The following CPT1C variants were observed in gnomAD, a reference collection of about 807,000 sequenced individuals.
The protein encoded by CPT1C is carnitine palmitoyltransferase 1C.
CPT1C carries 61 observed loss-of-function variants against 97.3 expected under a neutral mutation model. The observed-to-expected ratio is 0.63, with a 90% CI of 0.51 to 0.78. The LOEUF (loss-of-function observed/expected upper bound fraction) is 0.78, where lower values mean the gene tolerates loss of function less well. CPT1C is among the 30% of genes least tolerant of loss of function. CPT1C has a pLI of 0.00. For synonymous variants in CPT1C, 469 were observed against 447.2 expected (o/e 1.05, Z -0.61); for missense variants, 975 against 1,065.5 (o/e 0.92, Z 1.18).
chr19:49,711,567 A>G (rs11881828), intron 16 of CPT1C: 28,238 of 551,866 alleles, frequency 0.051, 1,321 homozygotes, highest in Admixed American at 0.13. Context: ...TTGTGGTTCC[A>G]TGGAAGGAGT....
intron 3 of CPT1C, among the ~76,000 whole-genome samples, chr19:49,694,322 G>T (rs2082534785): frequency 1.3e-5 from 2 of 151,782 alleles, no homozygotes; most frequent in African/African-American, 4.8e-5. Context: ...TGATGTGGGG[G>T]TGTTGCAGTT....
intron 16 of CPT1C, 102 bp from the exon 17 acceptor site, chr19:49,711,707 G>C: frequency 8.2e-7 from 1 of 1,221,350 alleles, no homozygotes; most frequent in Non-Finnish European, 1.1e-6. Context: ...TTCCCACCTT[G>C]CAGGGATGTG....
Position 49,713,684 on chromosome 19 carries a change from C to CG in CPT1C, c.*79_*80insG. The CG allele has an allele frequency of 7.2e-7, 1 of 1,390,120 alleles. No individual in the cohort carries two copies. The allele number at this position is 1,390,120 out of a possible 1,614,324, so 86.1% of individuals were successfully genotyped here. Reference sequence around the variant, plus strand: ...GCTGGCTGACACAGGACAGGGGCAACTGGTTTGGCAACCCCACATCCAGGC... The same window carrying CG: ...GCTGGCTGACACAGGACAGGGGCAACGTGGTTTGGCAACCCCACATCCAGGC... On this transcript the variant is annotated 3_prime_UTR_variant, in exon 20 of 20. Transcript: ENST00000598293.
chr19:49,693,854 C>G (rs1012850314), intron 3 of CPT1C, among the ~76,000 whole-genome samples: 1 of 152,000 alleles, frequency 6.6e-6, no homozygotes, highest in African/African-American at 2.4e-5. Flanking sequence ...GTCAGGAGAT[C>G]GAGACCCTTC....
At chr19:49,701,843 ATATT>A (rs1212252627) in intron 7 of CPT1C, among the ~76,000 whole-genome samples, 2 of 127,992 alleles carry the variant, frequency 1.6e-5, no homozygotes, top group African/African-American at 5.7e-5. Context: ...ATATGTATAT[ATATT>A]TATTTATATA....
intron 4 of CPT1C, among the ~76,000 whole-genome samples, chr19:49,699,457 TAAAAAAAAAAAAAAAAAAAA>T (rs71180647): frequency 0.063 from 2,224 of 35,526 alleles, 108 homozygotes; most frequent in African/African-American, 0.17. Flanking sequence ...CCCCTGTCTC[TAAAAAAAAAAAAAAAAAAAA>T]AAAAAAAAAA....
chr19:49,693,062 A>G (rs2082443068), intron 3 of CPT1C, among the ~76,000 whole-genome samples: 1 of 152,050 alleles, frequency 6.6e-6, no homozygotes, highest in Non-Finnish European at 1.5e-5. Context: ...TAATTTTTGT[A>G]TTTTTAGTAG....
chr19:49,690,771 C>T (rs914086484), upstream of CPT1C: 2 of 364,508 alleles, frequency 5.5e-6, no homozygotes, highest in African/African-American at 4.2e-5. This position sits in a 1 kb window ranked among gnomAD's most constrained non-coding sequence, Gnocchi z 4.4. Context: ...TCCTGACCCC[C>T]AAACATCCCT....
chr19:49,700,727 C>A lies in CPT1C; in HGVS notation c.325C>A (p.Leu109Met). ...GCTCCGGGGGGTCCTGGCAGCCGCGCTGTTTGCCTCGTGTTTGTGGGGAGC... is the reference window on the plus strand; with the variant it reads ...GCTCCGGGGGGTCCTGGCAGCCGCGATGTTTGCCTCGTGTTTGTGGGGAGC... ...HGLRGVLAAA[L>M]FASCLWGALI... The change falls in exon 5 of 20, where the codon CTG (leucine) becomes ATG (methionine). Residue 109 changes from leucine (L) to methionine (M), a missense_variant. Around this residue, in one of 3 missense-constraint regions of CPT1C, gnomAD observed 596 missense variants for 603.1 expected, o/e 0.99. Coordinates refer to ENST00000598293, the MANE Select transcript of CPT1C (RefSeq NM_001199753.2). The A allele has an allele frequency of 6.2e-7, 1 of 1,612,212 alleles. No individual in the cohort carries two copies. The highest frequency in any genetic ancestry group is 1.1e-5 in the South Asian group (1 of 91,084).
rs2083030557 is a variant in CPT1C, at chr19:49,701,211, G to T, written c.454-106G>T. 9 of 889,498 alleles carry T rather than the reference G, an allele frequency of 1.0e-5. No individual in the cohort carries two copies. The East Asian group carries it at 2.4e-4, about 23-fold the overall frequency. 55.1% of individuals were successfully genotyped at this position (889,498 alleles called of 1,614,324 possible). On this transcript the variant is annotated intron_variant, in intron 5 of 19. Transcript: ENST00000598293. ...CTCTTGGGGTCTCCGATGCTCTTAAGTCTCTGTGTCCTTCTCTTTGGGTTT... is the reference window on the plus strand; with the variant it reads ...CTCTTGGGGTCTCCGATGCTCTTAATTCTCTGTGTCCTTCTCTTTGGGTTT...
chr19:49,710,716 C>T lies in CPT1C; in HGVS notation c.1732-7C>T, dbSNP rs762707520. The stretch of plus-strand genomic sequence containing the variant: ...GACAGACTCCTCTTCTCCTCCCTGT[C>T]CCCCAGGACAGGGGTCAATTCTGCC... On this transcript the variant is annotated splice_polypyrimidine_tract_variant and splice_region_variant and intron_variant, in intron 15 of 19. Coordinates refer to ENST00000598293, the MANE Select transcript of CPT1C (RefSeq NM_001199753.2). 3.6e-5 allele frequency: 58 copies of T among 1,609,968 alleles called. No homozygotes were observed. The highest frequency in any genetic ancestry group is 1.6e-4 in the Middle Eastern group (1 of 6,066).
chr19:49,710,401 C>T lies in CPT1C; in HGVS notation c.1648C>T (p.Leu550=), dbSNP rs1463858702. Residue 550 remains leucine, a synonymous_variant, in exon 15 of 20, where the codon CTA becomes TTA. Coordinates refer to ENST00000598293, the MANE Select transcript of CPT1C (RefSeq NM_001199753.2). ...CGACTGCCATGTCGTTCCATTCTCCCTATTTGGCAAGAGCTTCATCCGACG... is the reference window on the plus strand; with the variant it reads ...CGACTGCCATGTCGTTCCATTCTCCTTATTTGGCAAGAGCTTCATCCGACG... The part of the protein sequence containing the change: ...NVDCHVVPFS[L]FGKSFIRRCH... 25 of 1,614,154 alleles carry T rather than the reference C, an allele frequency of 1.5e-5. No homozygotes were observed. Among genetic ancestry groups the T allele is most frequent in the Non-Finnish European group, 2.1e-5 (25 of 1,180,040 alleles).
intron 14 of CPT1C, among the ~76,000 whole-genome samples, chr19:49,709,855 A>ATT (rs60267364): frequency 0.12 from 13,719 of 117,844 alleles, 674 homozygotes; most frequent in Middle Eastern, 0.28. Flanking sequence ...CGCGCCCGGC[A>ATT]TTTTTTTTTT....
chr19:49,702,004 T>TAAA (rs1568520759), intron 7 of CPT1C, among the ~76,000 whole-genome samples: 3 of 9,978 alleles, frequency 3.0e-4, no homozygotes, highest in South Asian at 6.2e-3. Flanking sequence ...TATAAATATA[T>TAAA]TAAATATATT....
chr19:49,712,805 C>T lies in CPT1C; in HGVS notation c.2089C>T (p.His697Tyr). Reference protein sequence around the residue: ...PVQQMHLFDVHNYPDYVSSGG... With the variant: ...PVQQMHLFDVYNYPDYVSSGG... Reference sequence around the variant, plus strand: ...TCAGCAAATGCATCTGTTTGACGTCCACAATTACCCGGACTATGTTTCCTC... The same window carrying T: ...TCAGCAAATGCATCTGTTTGACGTCTACAATTACCCGGACTATGTTTCCTC... Residue 697 changes from histidine (H) to tyrosine (Y), a missense_variant, in exon 18 of 20, where the codon CAC (histidine) becomes TAC (tyrosine). Transcript: ENST00000598293. 1 of 1,613,966 alleles carries T rather than the reference C, an allele frequency of 6.2e-7. No homozygotes were observed.
chr19:49,702,702 C>T (rs1006824351), intron 7 of CPT1C, among the ~76,000 whole-genome samples: 1 of 151,116 alleles, frequency 6.6e-6, no homozygotes, highest in Non-Finnish European at 1.5e-5. Context: ...GCCTGAACTC[C>T]AGACTGAGGA....
rs1568518979 is a variant in CPT1C at position 49,701,641 on chromosome 19, C to CCCGCCA, written c.693+16_693+21dup. On this transcript the variant is annotated splice_region_variant and intron_variant, in intron 7 of 19. Coordinates refer to ENST00000598293, the MANE Select transcript of CPT1C (RefSeq NM_001199753.2). Reference sequence around the variant, plus strand: ...CTGGTGGGCGTCCAATTATGTGAGTCCCGCCACCGCCACCAACGCCCCACC... The same window carrying CCCGCCA: ...CTGGTGGGCGTCCAATTATGTGAGTCCCGCCACCGCCACCGCCACCAACGCCCCACC... 1 of 1,587,962 alleles carries CCCGCCA rather than the reference C, an allele frequency of 6.3e-7. No homozygotes were observed.
intron 10 of CPT1C, among the ~76,000 whole-genome samples, chr19:49,705,587 C>T (rs988915255): frequency 3.3e-5 from 5 of 152,002 alleles, no homozygotes; most frequent in Non-Finnish European, 5.9e-5. Context: ...TAGTGAGATC[C>T]GGTCTATATA....
chr19:49,704,847 CG>C, intron 8 of CPT1C, 60 bp downstream of exon 8: 1 of 1,499,452 alleles, frequency 6.7e-7, no homozygotes, highest in Non-Finnish European at 9.3e-7. Context: ...GGTACCTGGG[CG>C]GAATGTGACG....
Sources: allele counts gnomAD v4.1 joint callset (sites outside exome capture counted in the v4.1 genomes callset), GRCh38; gene constraint gnomAD v4.1.1; regional missense constraint gnomAD v4.1.1; non-coding constraint Gnocchi (gnomAD v3.1); transcripts MANE v1.5; gene names NCBI Gene and HGNC (gene_info 2026-07-23, HGNC 2026-07-21).